VPS35L: variants seen among roughly 807,000 people sequenced by gnomAD.
VPS35L encodes VPS35 endosomal protein-sorting factor-like.
In VPS35L, 83 loss-of-function variants were observed where a neutral mutation model predicts 133.0. The ratio of observed to expected loss-of-function variants is 0.62; its 90% confidence interval spans 0.52 to 0.75. The LOEUF (loss-of-function observed/expected upper bound fraction) is 0.75. VPS35L is among the 30% of genes least tolerant of loss of function. The pLI, the probability that VPS35L is intolerant of heterozygous loss-of-function variation, is 0.00. For missense variants in VPS35L, 1,083 were observed against 1,206.8 expected (o/e 0.90, Z 1.52); for synonymous variants, 423 against 449.9 (o/e 0.94, Z 0.76).
intron 28 of VPS35L, among the ~76,000 whole-genome samples, chr16:19,683,996 TA>T (rs1439423150): frequency 6.6e-6 from 1 of 151,958 alleles, no homozygotes; most frequent in East Asian, 1.9e-4. Context: ...GAACAATGGC[TA>T]AATATACACA....
intron 26 of VPS35L, among the ~76,000 whole-genome samples, chr16:19,653,753 A>T (rs1326123237): frequency 6.6e-6 from 1 of 152,164 alleles, no homozygotes; most frequent in East Asian, 1.9e-4. Flanking sequence ...CCAATTGGAG[A>T]GTGATCACTT....
intron 6 of VPS35L, among the ~76,000 whole-genome samples, chr16:19,580,571 A>T (rs1375931525): frequency 1.3e-5 from 2 of 152,120 alleles, no homozygotes; most frequent in African/African-American, 2.4e-5. Context: ...AGGAGCATTT[A>T]CTGTGCGTCA....
chr16:19,640,019 A>G lies in VPS35L; in HGVS notation c.1703A>G (p.Lys568Arg). 6.2e-7 allele frequency: 1 copy of G among 1,613,996 alleles called. No individual in the cohort carries two copies. The highest frequency in any genetic ancestry group is 8.5e-7 in the Non-Finnish European group (1 of 1,179,930). Residue 568 changes from lysine (K) to arginine (R), a missense_variant, in exon 21 of 31, where the codon AAA becomes AGA. By Grantham distance (26) the Lys-to-Arg change is conservative. Coordinates refer to ENST00000417362, the MANE Select transcript of VPS35L (RefSeq NM_020314.7). ...GAGTGCTTGCTTTATTTATAGGAAA[A>G]ATTTCTGCCGTTTCTGGACATGTTC... ...HDFSVLFSVE[K>R]FLPFLDMFQK... is the part of the protein sequence containing the mutation.
chr16:19,694,727 G>A (rs1391444886), intron 29 of VPS35L, among the ~76,000 whole-genome samples: 3 of 152,198 alleles, frequency 2.0e-5, no homozygotes, highest in South Asian at 2.1e-4. Flanking sequence ...GAGCTTGGCC[G>A]GGCACGGTTG....
rs531009459 is a variant in VPS35L, at chr16:19,689,415, C to T, written c.2528-1938C>T. Among the ~76,000 whole-genome samples, 6 of 152,096 alleles carry T rather than the reference C, an allele frequency of 3.9e-5. 1 individual carries two copies. Among genetic ancestry groups the T allele is most frequent in the African/African-American group, 1.2e-4 (5 of 41,488 alleles). ...CCTCCCAAGTAGCCGGGACTACAAG[C>T]GTGCACCACCATGCCCAGCTGATTT... is the stretch of plus-strand genomic sequence containing the variant. On this transcript the variant is annotated intron_variant, in intron 28 of 30. Coordinates refer to ENST00000417362, the MANE Select transcript of VPS35L (RefSeq NM_020314.7).
intron 9 of VPS35L, among the ~76,000 whole-genome samples, chr16:19,606,602 A>G (rs1972544160): frequency 1.3e-5 from 2 of 152,260 alleles, no homozygotes; most frequent in South Asian, 4.1e-4. Context: ...CTAGAGGTTT[A>G]TCTTTTTTTG....
At chr16:19,579,423 C>A (rs561558023) in intron 6 of VPS35L, 1 of 251,102 alleles carries the variant, frequency 4.0e-6, no homozygotes, top group South Asian at 8.2e-5. Flanking sequence ...AGGCCAGGCG[C>A]GGTGGCTCAC....
chr16:19,629,937 A>C, intron 18 of VPS35L, 117 bp downstream of exon 18: 18 of 891,864 alleles, frequency 2.0e-5, no homozygotes, highest in Non-Finnish European at 1.8e-6. Flanking sequence ...CTTGTAATTT[A>C]TAAAAATTGC....
chr16:19,581,400 A>C (rs1010005617), intron 6 of VPS35L, 125 bp from the exon 7 acceptor site: 28 of 1,134,514 alleles, frequency 2.5e-5, no homozygotes, highest in Non-Finnish European at 3.3e-5. Flanking sequence ...AAAGCTGTCA[A>C]TCCTGGCGGG....
At position 19,687,954 on chromosome 16, in the gene VPS35L, A is replaced by T. The variant is rs184575021; in HGVS notation, c.2528-3399A>T. Among the ~76,000 whole-genome samples, 236 of 152,134 alleles carry T rather than the reference A, an allele frequency of 1.6e-3. 2 individuals carry two copies. The highest frequency in any genetic ancestry group is 4.9e-3 in the African/African-American group (202 of 41,530). On this transcript the variant is annotated intron_variant, in intron 28 of 30. Coordinates refer to ENST00000417362, the MANE Select transcript of VPS35L (RefSeq NM_020314.7). ...ATGGAGAAACCTCATCTCTACAAAA[A>T]TACAAAATGTAGCCCTGCCTGCAGT... is the stretch of plus-strand genomic sequence containing the variant.
intron 9 of VPS35L, among the ~76,000 whole-genome samples, chr16:19,604,624 A>G (rs1006646977): frequency 1.3e-5 from 2 of 152,330 alleles, no homozygotes. Flanking sequence ...TGGTGATCTG[A>G]GGAATGACTC....
intron 26 of VPS35L, among the ~76,000 whole-genome samples, chr16:19,661,573 T>G (rs1974486946): frequency 5.3e-5 from 8 of 152,148 alleles, no homozygotes; most frequent in Admixed American, 4.6e-4. Context: ...ATATGGAGCT[T>G]TTTAAAGCCT....
In VPS35L at chr16:19,581,123, A is replaced by C. The variant is rs185232092; in HGVS notation, c.511-402A>C. 2.6e-5 allele frequency among the ~76,000 whole-genome samples: 4 copies of C among 152,170 alleles called. No homozygotes were observed. In the East Asian group the frequency reaches 7.7e-4, roughly 29 times the overall value. Reference sequence around the variant, plus strand: ...TTATTGCTTGGGAATCTTGAGCAAAAATGTCTTTGTATCTCGATCATCTAG... The same window carrying C: ...TTATTGCTTGGGAATCTTGAGCAAACATGTCTTTGTATCTCGATCATCTAG... On this transcript the variant is annotated intron_variant, in intron 6 of 30. Transcript: ENST00000417362.
intron 5 of VPS35L, among the ~76,000 whole-genome samples, chr16:19,576,175 A>C (rs79399032): frequency 0.12 from 18,120 of 148,680 alleles, 1,313 homozygotes; most frequent in Middle Eastern, 0.18. Flanking sequence ...CAAAAAAAAA[A>C]AAAAACAAAA....
At chr16:19,579,331 C>G (rs1360010120) in intron 6 of VPS35L, 6 of 528,046 alleles carry the variant, frequency 1.1e-5, no homozygotes, top group African/African-American at 1.9e-5. Context: ...GGCTGCTTTT[C>G]TAGAGGCCTC....
intron 8 of VPS35L, 48 bp downstream of exon 8, chr16:19,591,922 T>G: frequency 7.2e-7 from 1 of 1,397,966 alleles, no homozygotes; most frequent in East Asian, 2.3e-5. Context: ...GTGTTCGTTT[T>G]GTCAAGAATT....
At chr16:19,623,379 G>A (rs529449999) in intron 14 of VPS35L, among the ~76,000 whole-genome samples, 6 of 152,106 alleles carry the variant, frequency 3.9e-5, no homozygotes, top group East Asian at 1.9e-4. Flanking sequence ...CTGTGTACAC[G>A]CATCCTTGCT....
Position 19,639,180 on chromosome 16 carries a change from A to G in VPS35L, c.1699-835A>G, listed in dbSNP as rs1259987675. Among the ~76,000 whole-genome samples the G allele has an allele frequency of 6.6e-6, 1 of 152,284 alleles. No individual in the cohort carries two copies. Among genetic ancestry groups the G allele is most frequent in the Non-Finnish European group, 1.5e-5 (1 of 68,050 alleles). On this transcript the variant is annotated intron_variant, in intron 20 of 30. Transcript: ENST00000417362. The surrounding 1 kb of genome is among the most constrained non-coding windows in gnomAD (Gnocchi z 4.1). The stretch of plus-strand genomic sequence containing the variant: ...TGGCCGTTAACCGAGGATAACTGAC[A>G]CTATGGAAAGCAAAACCGCAGATAA...
At chr16:19,678,806 AC>A (rs985621898) in intron 27 of VPS35L, among the ~76,000 whole-genome samples, 6 of 152,016 alleles carry the variant, frequency 3.9e-5, no homozygotes, top group Non-Finnish European at 8.8e-5. Context: ...AAAAAAAGTT[AC>A]AACCACTGAA....
Sources: gnomAD v4.1 joint callset for allele counts (sites outside exome capture counted in the v4.1 genomes callset) on GRCh38, gnomAD v4.1.1 for gene constraint, Gnocchi (gnomAD v3.1) non-coding constraint, MANE v1.5 for transcripts, NCBI Gene and HGNC (gene_info 2026-07-23, HGNC 2026-07-21) for gene names.